The following ARHGAP29 variants were observed in gnomAD, a reference collection of about 807,000 sequenced individuals.
ARHGAP29 encodes Rho GTPase activating protein 29.
A neutral mutation model predicts 122.6 loss-of-function variants in ARHGAP29; 43 were observed. That is an observed-to-expected ratio of 0.35 (90% CI 0.27 to 0.45). The LOEUF (loss-of-function observed/expected upper bound fraction) is 0.45, where lower values mean the gene tolerates loss of function less well. Among genes scored for constraint, ARHGAP29 ranks in the 20% least tolerant of loss-of-function variants. The pLI, the probability that ARHGAP29 is intolerant of heterozygous loss-of-function variation, is 1.00. For missense variants in ARHGAP29, 1,303 were observed against 1,477.2 expected, an observed-to-expected ratio of 0.88 and a Z score of 1.93; for synonymous variants, 506 against 497.1, an observed-to-expected ratio of 1.02 and a Z score of -0.24.
At chr1:94,205,501 T>A in intron 6 of ARHGAP29, 134 bp downstream of exon 6, 1 of 824,944 alleles carries the variant, frequency 1.2e-6, no homozygotes, top group Non-Finnish European at 1.9e-6. Flanking sequence ...AAGCTCTATA[T>A]GTAAAACTTT....
chr1:94,186,405 T>C (rs1416765265), intron 16 of ARHGAP29, 94 bp downstream of exon 16: 7 of 872,144 alleles, frequency 8.0e-6, no homozygotes, highest in African/African-American at 5.3e-5. Context: ...CACAAAAAAG[T>C]ATTGATTCTT....
intron 3 of ARHGAP29, among the ~76,000 whole-genome samples, chr1:94,217,860 CA>C (rs147929517): frequency 0.022 from 3,299 of 150,944 alleles, 123 homozygotes; most frequent in African/African-American, 0.076. Flanking sequence ...TAAAAAAAAA[CA>C]AAAAAAAAAA....
chr1:94,189,314 C>T lies in ARHGAP29; in HGVS notation c.1478G>A (p.Gly493Glu), dbSNP rs201387637. The T allele has an allele frequency of 1.2e-5, 20 of 1,612,504 alleles. No individual in the cohort carries two copies. Among genetic ancestry groups the T allele is most frequent in the Admixed American group, 3.3e-5 (2 of 59,790 alleles). Reference sequence around the variant, plus strand: ...CTCTAAAGAGTTGGCAGGTCCAAATCCTGAAGGTTGGGAACTATTTAAATG... The same window carrying T: ...CTCTAAAGAGTTGGCAGGTCCAAATTCTGAAGGTTGGGAACTATTTAAATG... ...NKHLNSSQPS[G>E]FGPANSLEDV... is the part of the protein sequence containing the mutation. The change falls in exon 14 of 23, where the codon GGA (glycine) becomes GAA (glutamate). Residue 493 changes from glycine (G) to glutamate (E), a missense_variant. Physicochemically the swap from Gly to Glu is moderately conservative, Grantham distance 98 (BLOSUM62 -2). This residue lies in a region of ARHGAP29 where 592 missense variants were observed against 648.2 expected (regional missense o/e 0.91). Transcript: ENST00000260526.
the ARHGAP29 span, among the ~76,000 whole-genome samples, chr1:94,312,699 TG>T: frequency 6.6e-6 from 1 of 152,170 alleles, no homozygotes; most frequent in East Asian, 1.9e-4. Context: ...CCCAAAGTGC[TG>T]GGATTACAGG....
intron 3 of ARHGAP29, among the ~76,000 whole-genome samples, chr1:94,216,568 T>C (rs1055864947): frequency 3.3e-5 from 5 of 152,220 alleles, no homozygotes; most frequent in African/African-American, 1.2e-4. Flanking sequence ...TTATACCATT[T>C]GGATTCTGTG....
intron 12 of ARHGAP29, among the ~76,000 whole-genome samples, chr1:94,201,408 T>G (rs920543993): frequency 4.6e-5 from 7 of 152,128 alleles, no homozygotes; most frequent in African/African-American, 1.7e-4. Context: ...TTATCAGGCA[T>G]ACCTTCCCCT....
At chr1:94,227,221 C>T (rs568682055) in intron 2 of ARHGAP29, among the ~76,000 whole-genome samples, 3 of 151,638 alleles carry the variant, frequency 2.0e-5, no homozygotes, top group Non-Finnish European at 4.4e-5. Flanking sequence ...CGACTATAGT[C>T]CTGTAAAAAC....
At chr1:94,252,206 C>T (rs1331060918) in intron 1 of ARHGAP29, among the ~76,000 whole-genome samples, 2 of 152,178 alleles carry the variant, frequency 1.3e-5, no homozygotes, top group Admixed American at 1.3e-4. Context: ...AGTTTCATGA[C>T]TTCACCAAAT....
At chr1:94,208,006 G>A (rs905263230) in intron 5 of ARHGAP29, among the ~76,000 whole-genome samples, 39 of 152,092 alleles carry the variant, frequency 2.6e-4, no homozygotes, top group African/African-American at 9.4e-4. Flanking sequence ...CACCACATCT[G>A]GCTAATTTTT....
chr1:94,192,062 C>A (rs1469755971), intron 12 of ARHGAP29: 1 of 152,040 alleles, frequency 6.6e-6, no homozygotes, highest in Non-Finnish European at 1.5e-5. Context: ...TTTTATAATT[C>A]TTTTAAATCC....
intron 19 of ARHGAP29, among the ~76,000 whole-genome samples, chr1:94,182,926 T>TA (rs1649569598): frequency 6.6e-6 from 1 of 152,168 alleles, no homozygotes; most frequent in South Asian, 2.1e-4. Context: ...GGCAGCTAGT[T>TA]ACCATATTTT....
chr1:94,273,321 G>A (rs1466513822), intron 1 of ARHGAP29, among the ~76,000 whole-genome samples: 2 of 152,208 alleles, frequency 1.3e-5, no homozygotes, highest in African/African-American at 2.4e-5. Flanking sequence ...TCTGCAGGAC[G>A]TTTTTCTGAT....
the ARHGAP29 span, among the ~76,000 whole-genome samples, chr1:94,286,342 C>G: frequency 6.6e-6 from 1 of 152,092 alleles, no homozygotes; most frequent in African/African-American, 2.4e-5. Flanking sequence ...CAAAAATATT[C>G]AACCCATAAC....
intron 1 of ARHGAP29, among the ~76,000 whole-genome samples, chr1:94,242,848 C>T (rs6541345): frequency 0.88 from 134,392 of 152,060 alleles, 59,597 homozygotes; most frequent in Non-Finnish European, 0.92. Context: ...GACACAGATA[C>T]ATGGAAAGTA....
At chr1:94,241,815 G>A (rs1036683318), upstream of ARHGAP29, among the ~76,000 whole-genome samples, 1 of 149,444 alleles carries the variant, frequency 6.7e-6, no homozygotes, top group African/African-American at 2.5e-5. Context: ...CTAGAAAAAT[G>A]GACAAAATAT....
intron 1 of ARHGAP29, among the ~76,000 whole-genome samples, chr1:94,263,571 C>T (rs1654643114): frequency 6.6e-6 from 1 of 152,024 alleles, no homozygotes; most frequent in African/African-American, 2.4e-5. Context: ...CCTATTTCCC[C>T]TTGGGTTTTA....
chr1:94,209,395 C>T (rs781028893), intron 3 of ARHGAP29, 45 bp from the exon 4 acceptor site: 1 of 1,204,118 alleles, frequency 8.3e-7, no homozygotes. Context: ...ATACTTTAAA[C>T]TAGATTTATA....
At chr1:94,184,372 C>T in intron 18 of ARHGAP29, 84 bp from the exon 19 acceptor site, 1 of 978,412 alleles carries the variant, frequency 1.0e-6, no homozygotes, top group South Asian at 1.9e-5. Flanking sequence ...ACTTGATTTT[C>T]AATCTTTTCA....
chr1:94,245,968 A>T (rs1687947), intron 1 of ARHGAP29, among the ~76,000 whole-genome samples: 17,691 of 152,150 alleles, frequency 0.12, 1,235 homozygotes, highest in African/African-American at 0.18. Flanking sequence ...AGGTAGATAC[A>T]CTATTTTAAG....
Sources: allele counts gnomAD v4.1 joint callset (sites outside exome capture counted in the v4.1 genomes callset), GRCh38; gene constraint gnomAD v4.1.1; regional missense constraint gnomAD v4.1.1; transcripts MANE v1.5; gene names NCBI Gene and HGNC (gene_info 2026-07-23, HGNC 2026-07-21).